TENM3: variants seen among roughly 807,000 people sequenced by gnomAD.
TENM3 encodes the protein teneurin-3.
In TENM3, 63 loss-of-function variants were observed where a neutral mutation model predicts 255.1. That is an observed-to-expected ratio of 0.25 (90% CI 0.20 to 0.30). The LOEUF is 0.30. Ranked by LOEUF, TENM3 falls within the 10% of genes least tolerant of loss-of-function variation. The pLI is 1.00. For missense variants in TENM3, 2,929 were observed against 3,461.1 expected (o/e 0.85, Z 3.86); for synonymous variants, 1,306 against 1,322.3 (o/e 0.99, Z 0.27).
chr4:182,413,980 A>G (rs1198223743), intron 3 of TENM3, among the ~76,000 whole-genome samples: 2 of 152,220 alleles, frequency 1.3e-5, no homozygotes, highest in African/African-American at 4.8e-5. Context: ...TGTTACCACA[A>G]AAGTGTACTA....
rs570557857 is a variant in TENM3 at position 182,283,025 on chromosome 4, G to A, written c.-76+39549G>A. 1.1e-4 allele frequency among the ~76,000 whole-genome samples: 16 copies of A among 151,632 alleles called. No individual in the cohort carries two copies. In the South Asian group the frequency reaches 1.9e-3, roughly 18 times the overall value. ...ATTACTTCCGCTTTAACAGTCTACCGACAATTTCTAACAGTGAAAATACTG... is the reference window on the plus strand; with the variant it reads ...ATTACTTCCGCTTTAACAGTCTACCAACAATTTCTAACAGTGAAAATACTG... On this transcript the variant is annotated intron_variant, in intron 1 of 27. Coordinates refer to ENST00000511685, the MANE Select transcript of TENM3 (RefSeq NM_001080477.4).
At chr4:181,537,637 A>G in the TENM3 span, among the ~76,000 whole-genome samples, 1 of 152,176 alleles carries the variant, frequency 6.6e-6, no homozygotes, top group Non-Finnish European at 1.5e-5. Flanking sequence ...GTAACATACA[A>G]CCTCCAGGTG....
chr4:182,153,363 A>G (rs1561142888), intron 1 of TENM3, among the ~76,000 whole-genome samples: 2 of 152,142 alleles, frequency 1.3e-5, no homozygotes, highest in Non-Finnish European at 2.9e-5. Context: ...ATACATCTTT[A>G]GTCATACAGT....
intron 3 of TENM3, among the ~76,000 whole-genome samples, chr4:182,572,787 A>T (rs1446294150): frequency 2.6e-5 from 4 of 152,192 alleles, no homozygotes; most frequent in Non-Finnish European, 4.4e-5. Context: ...ACCAACTCAT[A>T]TTCATTGTGA....
At chr4:182,676,671 T>A (rs995172702) in intron 7 of TENM3, among the ~76,000 whole-genome samples, 2 of 152,250 alleles carry the variant, frequency 1.3e-5, no homozygotes, top group African/African-American at 4.8e-5. Context: ...TATTTGTTTT[T>A]AAATGGTCTA....
At chr4:182,264,726 T>C (rs1001225140) in intron 1 of TENM3, among the ~76,000 whole-genome samples, 1 of 152,222 alleles carries the variant, frequency 6.6e-6, no homozygotes, top group African/African-American at 2.4e-5. Context: ...TCTTGGAGGT[T>C]ACCTTTGGTA....
the TENM3 span, among the ~76,000 whole-genome samples, chr4:181,541,458 G>C: frequency 0.046 from 6,953 of 152,100 alleles, 228 homozygotes; most frequent in South Asian, 0.15. Flanking sequence ...ACTCAAGAAA[G>C]TCGTTCTTGA....
chr4:181,627,492 C>A, the TENM3 span, among the ~76,000 whole-genome samples: 1 of 152,136 alleles, frequency 6.6e-6, no homozygotes, highest in African/African-American at 2.4e-5. Flanking sequence ...CCCCTACCCC[C>A]ACCCCATGAC....
At chr4:181,850,643 C>T in the TENM3 span, among the ~76,000 whole-genome samples, 3 of 151,894 alleles carry the variant, frequency 2.0e-5, no homozygotes, top group Non-Finnish European at 4.4e-5. Flanking sequence ...CATATATTCT[C>T]CTTACGTGTT....
intron 19 of TENM3, among the ~76,000 whole-genome samples, chr4:182,746,230 T>G (rs528849245): frequency 2.0e-5 from 3 of 152,288 alleles, no homozygotes; most frequent in Admixed American, 1.3e-4. Flanking sequence ...TGGTCCGTGG[T>G]TTCAAATGTG....
At chr4:182,734,443 A>C (rs530508665) in intron 16 of TENM3, among the ~76,000 whole-genome samples, 2 of 152,320 alleles carry the variant, frequency 1.3e-5, no homozygotes, top group Admixed American at 6.5e-5. Context: ...GGCAAAACGC[A>C]CTTGAAAGAA....
the TENM3 span, among the ~76,000 whole-genome samples, chr4:181,684,463 T>C: frequency 6.6e-6 from 1 of 152,182 alleles, no homozygotes; most frequent in Non-Finnish European, 1.5e-5. Context: ...CTCTTGAGAA[T>C]ATGTTTGTGT....
chr4:182,357,217 C>A (rs939540998), intron 3 of TENM3, among the ~76,000 whole-genome samples: 4 of 151,774 alleles, frequency 2.6e-5, no homozygotes, highest in African/African-American at 9.7e-5. Flanking sequence ...ATTTATAGTC[C>A]TTTGGGTATA....
At chr4:182,472,824 T>C (rs1007133626) in intron 3 of TENM3, among the ~76,000 whole-genome samples, 1 of 152,128 alleles carries the variant, frequency 6.6e-6, no homozygotes, top group African/African-American at 2.4e-5. Context: ...CAAGCTATCC[T>C]CTCACCTCAG....
chr4:181,553,375 T>A, the TENM3 span, among the ~76,000 whole-genome samples: 1 of 152,020 alleles, frequency 6.6e-6, no homozygotes, highest in Admixed American at 6.6e-5. Context: ...AGATATATTT[T>A]ATGTATATAT....
intron 7 of TENM3, among the ~76,000 whole-genome samples, chr4:182,677,947 C>A: frequency 6.6e-6 from 1 of 152,176 alleles, no homozygotes; most frequent in Middle Eastern, 3.4e-3. Flanking sequence ...TTCATATAAT[C>A]TTTTTCTTAA....
At chr4:182,396,974 T>C (rs983245641) in intron 3 of TENM3, among the ~76,000 whole-genome samples, 5 of 149,920 alleles carry the variant, frequency 3.3e-5, no homozygotes, top group Non-Finnish European at 7.4e-5. Context: ...AATAAAAAAA[T>C]AAATATATAG....
At chr4:182,490,607 G>A (rs1735202875) in intron 3 of TENM3, among the ~76,000 whole-genome samples, 1 of 152,200 alleles carries the variant, frequency 6.6e-6, no homozygotes, top group South Asian at 2.1e-4. Context: ...ATGGGATGGA[G>A]TGCTCAAAGT....
At chr4:181,904,554 T>A in the TENM3 span, among the ~76,000 whole-genome samples, 1 of 152,158 alleles carries the variant, frequency 6.6e-6, no homozygotes, top group Non-Finnish European at 1.5e-5. Flanking sequence ...TCTAGGTGTT[T>A]ATGTATGGCC....
Sources: gnomAD v4.1 joint callset for allele counts (sites outside exome capture counted in the v4.1 genomes callset) on GRCh38, gnomAD v4.1.1 for gene constraint, MANE v1.5 for transcripts, NCBI Gene and HGNC (gene_info 2026-07-23, HGNC 2026-07-21) for gene names.